CHLSN: variants seen among roughly 807,000 people sequenced by gnomAD.
The protein encoded by CHLSN is cholesin.
chr7:992,918 T>C, the CHLSN span, among the ~76,000 whole-genome samples: 95,186 of 152,038 alleles, frequency 0.63, 31,889 homozygotes, highest in African/African-American at 0.88. Flanking sequence ...CTGCCTGGAC[T>C]CAGTCCCTTG....
the CHLSN span, among the ~76,000 whole-genome samples, chr7:1,129,744 C>T: frequency 2.0e-5 from 3 of 152,164 alleles, no homozygotes; most frequent in Non-Finnish European, 4.4e-5. Context: ...TGCCCAGCCC[C>T]GTTCGGTCTT....
At chr7:1,087,152 T>G in the CHLSN span, 3 of 152,180 alleles carry the variant, frequency 2.0e-5, no homozygotes, top group South Asian at 6.3e-4. Flanking sequence ...GGAGGGAGGT[T>G]TATTCTCCGC....
the CHLSN span, among the ~76,000 whole-genome samples, chr7:1,082,783 C>T: frequency 6.6e-6 from 1 of 152,212 alleles, no homozygotes; most frequent in African/African-American, 2.4e-5. Flanking sequence ...GGCAGTGTTC[C>T]ATGTTCCCAC....
At chr7:1,089,781 A>G in the CHLSN span, among the ~76,000 whole-genome samples, 1 of 146,416 alleles carries the variant, frequency 6.8e-6, no homozygotes, top group East Asian at 2.0e-4. Flanking sequence ...GTTTTGCAGC[A>G]CTTCAAAACA....
chr7:1,080,585 C>G, the CHLSN span, among the ~76,000 whole-genome samples: 1 of 152,246 alleles, frequency 6.6e-6, no homozygotes, highest in African/African-American at 2.4e-5. Flanking sequence ...ACGGTTTGTG[C>G]GCTGCCTGCG....
chr7:1,080,355 G>A, the CHLSN span, among the ~76,000 whole-genome samples: 1 of 152,262 alleles, frequency 6.6e-6, no homozygotes, highest in East Asian at 1.9e-4. Flanking sequence ...CGTGCTCAGT[G>A]GCGAGCAGCC....
chr7:1,057,625 G>A, the CHLSN span: 5 of 769,434 alleles, frequency 6.5e-6, no homozygotes, highest in Admixed American at 1.7e-5. Flanking sequence ...CTGGTGGTGG[G>A]CGTGCCAGTG....
the CHLSN span, among the ~76,000 whole-genome samples, chr7:1,032,141 C>T: frequency 1.1e-4 from 17 of 152,334 alleles, no homozygotes; most frequent in East Asian, 1.9e-4. Flanking sequence ...AGACACACCA[C>T]GCCCCAGAGA....
the CHLSN span, among the ~76,000 whole-genome samples, chr7:1,021,855 C>T: frequency 3.5e-3 from 527 of 152,336 alleles, 2 homozygotes; most frequent in Middle Eastern, 6.8e-3. Flanking sequence ...CGCCCTTCCG[C>T]GGGGCGAGGC....
the CHLSN span, chr7:1,058,562 G>C: frequency 5.4e-6 from 4 of 739,208 alleles, no homozygotes; most frequent in Non-Finnish European, 1.0e-5. Flanking sequence ...TGGACGCAGA[G>C]CACTTAGTTA....
the CHLSN span, among the ~76,000 whole-genome samples, chr7:1,119,417 C>T: frequency 6.6e-6 from 1 of 152,192 alleles, no homozygotes; most frequent in South Asian, 2.1e-4. Context: ...AATAGATCAG[C>T]TGGTCTTCAT....
the CHLSN span, chr7:985,223 T>A: frequency 6.4e-7 from 1 of 1,554,914 alleles, no homozygotes; most frequent in Non-Finnish European, 8.7e-7. Context: ...ACCTTCGCGC[T>A]CCTCTTCGGC....
chr7:1,038,292 C>T, the CHLSN span, among the ~76,000 whole-genome samples: 26 of 95,494 alleles, frequency 2.7e-4, 4 homozygotes, highest in Non-Finnish European at 4.2e-4. Flanking sequence ...CCATGCCGTC[C>T]GGGAGGGAGG....
the CHLSN span, among the ~76,000 whole-genome samples, chr7:1,116,009 G>A: frequency 1.0e-4 from 12 of 119,630 alleles, no homozygotes; most frequent in Non-Finnish European, 1.6e-4. Flanking sequence ...CAGCACCGAC[G>A]CCCACGCAGG....
At chr7:1,065,594 A>G in the CHLSN span, among the ~76,000 whole-genome samples, 77,350 of 152,064 alleles carry the variant, frequency 0.51, 19,902 homozygotes, top group Middle Eastern at 0.55. Flanking sequence ...CCTCTTCAGC[A>G]GCTCCAGAGC....
At chr7:997,399 C>T in the CHLSN span, 2 of 507,858 alleles carry the variant, frequency 3.9e-6, no homozygotes, top group African/African-American at 4.1e-5. Context: ...CTGAACCTGC[C>T]ATCACTGTCA....
At chr7:1,127,652 C>CGCG in the CHLSN span, among the ~76,000 whole-genome samples, 109 of 67,776 alleles carry the variant, frequency 1.6e-3, 5 homozygotes, top group East Asian at 9.3e-3. Flanking sequence ...AGTGCAGTGG[C>CGCG]ACAATCTCGG....
the CHLSN span, among the ~76,000 whole-genome samples, chr7:1,089,302 G>A: frequency 2.0e-5 from 3 of 152,204 alleles, no homozygotes; most frequent in Non-Finnish European, 4.4e-5. Flanking sequence ...CTAAGTGAAG[G>A]TTATTCAGTA....
the CHLSN span, chr7:989,369 G>A: frequency 2.6e-5 from 4 of 155,542 alleles, no homozygotes; most frequent in African/African-American, 9.6e-5. Flanking sequence ...GCGTATGACT[G>A]GTGCAGGGAG....
Sources: allele counts gnomAD v4.1 joint callset (sites outside exome capture counted in the v4.1 genomes callset), GRCh38; gene constraint gnomAD v4.1.1; transcripts MANE v1.5; gene names NCBI Gene and HGNC (gene_info 2026-07-23, HGNC 2026-07-21).